The following SLTM variants were observed in gnomAD, a reference collection of about 807,000 sequenced individuals.
The protein encoded by SLTM is SAFB like transcription modulator, also known as SAFB-like transcription modulator.
Under a neutral mutation model 134.6 loss-of-function variants are expected in SLTM, and 43 were observed. The observed-to-expected ratio is 0.32, with a 90% CI of 0.25 to 0.41. The LOEUF is 0.41. Ranked by LOEUF, SLTM falls within the 10% of genes least tolerant of loss-of-function variation. SLTM has a pLI of 1.00. For synonymous variants in SLTM, 424 were observed against 432.3 expected, an observed-to-expected ratio of 0.98 and a Z score of 0.24; for missense variants, 1,055 against 1,288.8, an observed-to-expected ratio of 0.82 and a Z score of 2.78.
At chr15:58,924,131 C>G (rs146931889) in intron 2 of SLTM, among the ~76,000 whole-genome samples, 390 of 152,096 alleles carry the variant, frequency 2.6e-3, no homozygotes, top group African/African-American at 8.9e-3. Context: ...CAAACTTTTA[C>G]GCTTTGAGGA....
At chr15:58,880,225 C>T in intron 20 of SLTM, 118 bp from the exon 21 acceptor site, 1 of 1,359,024 alleles carries the variant, frequency 7.4e-7, no homozygotes, top group Non-Finnish European at 9.7e-7. Context: ...TTTCAACAGT[C>T]CCGTGAGGTC....
intron 3 of SLTM, 139 bp downstream of exon 3, chr15:58,916,796 A>G (rs1342571939): frequency 1.5e-5 from 9 of 598,314 alleles, no homozygotes; most frequent in African/African-American, 7.5e-5. Context: ...TGACAATATT[A>G]AACGTTGTCA....
intron 5 of SLTM, among the ~76,000 whole-genome samples, chr15:58,910,489 A>G (rs939053754): frequency 6.6e-6 from 1 of 152,244 alleles, no homozygotes; most frequent in Non-Finnish European, 1.5e-5. Flanking sequence ...GATAAGAAAT[A>G]CATAACTGTT....
rs1442693278 is a variant in SLTM at position 58,898,653 on chromosome 15, CCA to C, written c.1108+148_1108+149del. Reference sequence around the variant, plus strand: ...TCAGTTTTCTGTAATATATATAATTCCACAGTTTATATAAAGACCATCTCAAG... The same window carrying C: ...TCAGTTTTCTGTAATATATATAATTCCAGTTTATATAAAGACCATCTCAAG... On this transcript the variant is annotated intron_variant, in intron 8 of 20. Transcript: ENST00000380516. 6.6e-6 allele frequency: 4 copies of C among 609,632 alleles called. No individual in the cohort carries two copies. In the Admixed American group the frequency reaches 1.3e-4, roughly 20 times the overall value. 37.8% of individuals were successfully genotyped at this position (609,632 alleles called of 1,614,324 possible).
intron 5 of SLTM, among the ~76,000 whole-genome samples, chr15:58,912,249 G>A (rs1396240448): frequency 1.1e-4 from 16 of 151,936 alleles, no homozygotes; most frequent in African/African-American, 3.1e-4. Context: ...ACAGGTGCCC[G>A]CCACCACGCC....
chr15:58,932,292 C>T, intron 2 of SLTM, 64 bp downstream of exon 2: 1 of 1,200,632 alleles, frequency 8.3e-7, no homozygotes, highest in South Asian at 1.2e-5. Context: ...GCAAGAGGCA[C>T]AAGAGCAGAG....
At chr15:58,900,058 G>GAA (rs35822874) in intron 6 of SLTM, 121 bp from the exon 7 acceptor site, 1,304 of 511,396 alleles carry the variant, frequency 2.5e-3, no homozygotes, top group South Asian at 4.1e-3. Flanking sequence ...GGAAGTTAGG[G>GAA]AAAAAAAAAA....
chr15:58,933,210 C>CCGGGGCG (rs1168615680), intron 1 of SLTM, among the ~76,000 whole-genome samples, 194 bp downstream of exon 1: 1 of 151,628 alleles, frequency 6.6e-6, no homozygotes, highest in Non-Finnish European at 1.5e-5. Context: ...CCGGCCCGGC[C>CCGGGGCG]CGGGGCGCGG....
At chr15:58,923,556 A>G (rs1159083878) in intron 2 of SLTM, among the ~76,000 whole-genome samples, 3 of 152,178 alleles carry the variant, frequency 2.0e-5, no homozygotes, top group African/African-American at 7.2e-5. Context: ...AAAGAATTTT[A>G]AAGACCAAAT....
At position 58,894,647 on chromosome 15, in the gene SLTM, A is replaced by G. The variant is rs952039767; in HGVS notation, c.1228-65T>C. 1.2e-5 allele frequency: 17 copies of G among 1,429,982 alleles called. 1 individual carries two copies. Among genetic ancestry groups the G allele is most frequent in the Middle Eastern group, 1.8e-4 (1 of 5,604 alleles). The allele number at this position is 1,429,982 out of a possible 1,614,324, so 88.6% of individuals were successfully genotyped here. On this transcript the variant is annotated intron_variant, in intron 9 of 20. Transcript: ENST00000380516. ...TCCAAGTACACAGACTTCTAAATAC[A>G]TGAAACTTCACAACTGAAACTATAT...
intron 3 of SLTM, 103 bp downstream of exon 3, chr15:58,916,832 C>A: frequency 1.2e-6 from 1 of 863,344 alleles, no homozygotes; most frequent in Non-Finnish European, 1.9e-6. Context: ...TTATCTTTAA[C>A]CTACATACTT....
intron 2 of SLTM, chr15:58,921,488 G>A: frequency 3.1e-6 from 1 of 326,078 alleles, no homozygotes; most frequent in Non-Finnish European, 6.5e-6. Flanking sequence ...AGGCAGCACT[G>A]GGGTATGTAA....
chr15:58,915,731 G>C (rs1026226639), intron 3 of SLTM, among the ~76,000 whole-genome samples: 3 of 151,980 alleles, frequency 2.0e-5, no homozygotes, highest in South Asian at 2.1e-4. Flanking sequence ...GTGCAGCGTG[G>C]AGAGTGAAGA....
intron 15 of SLTM, chr15:58,889,817 C>T (rs1269967641): frequency 4.8e-6 from 2 of 414,322 alleles, no homozygotes; most frequent in African/African-American, 4.0e-5. Flanking sequence ...TCGACTAAAA[C>T]AAAAGCACCT....
intron 2 of SLTM, among the ~76,000 whole-genome samples, chr15:58,924,063 C>T (rs56067159): frequency 5.3e-4 from 80 of 152,252 alleles, no homozygotes; most frequent in East Asian, 1.7e-3. Context: ...GATCCACCGG[C>T]CTCGGCCTCC....
intron 16 of SLTM, 75 bp from the exon 17 acceptor site, chr15:58,888,630 A>G (rs770871366): frequency 4.2e-6 from 6 of 1,445,176 alleles, no homozygotes; most frequent in South Asian, 1.2e-5. Flanking sequence ...GGAGTCATAC[A>G]TACCACATGT....
chr15:58,930,357 C>A lies in SLTM; in HGVS notation c.250+1999G>T, dbSNP rs868339745. Reference sequence around the variant, plus strand: ...GTTGGCCAGGCTGCTCTCGAATTCCCGACCGCAGGTGATCCACCCGCCTCA... The same window carrying A: ...GTTGGCCAGGCTGCTCTCGAATTCCAGACCGCAGGTGATCCACCCGCCTCA... On this transcript the variant is annotated intron_variant, in intron 2 of 20. Transcript: ENST00000380516. Among the ~76,000 whole-genome samples, 4 of 150,056 alleles carry A rather than the reference C, an allele frequency of 2.7e-5. No individual in the cohort carries two copies. In the South Asian group the frequency reaches 8.4e-4, roughly 32 times the overall value.
At chr15:58,931,202 T>C (rs1287121461) in intron 2 of SLTM, among the ~76,000 whole-genome samples, 3 of 152,206 alleles carry the variant, frequency 2.0e-5, no homozygotes, top group African/African-American at 7.2e-5. Flanking sequence ...GTCAGAGTTA[T>C]CTTAAAAGCT....
At chr15:58,882,970 T>C (rs939821849) in intron 20 of SLTM, among the ~76,000 whole-genome samples, 2 of 152,174 alleles carry the variant, frequency 1.3e-5, no homozygotes, top group Non-Finnish European at 2.9e-5. Flanking sequence ...TCCTAAGAAT[T>C]TGAGGAATGC....
Sources: allele counts gnomAD v4.1 joint callset (sites outside exome capture counted in the v4.1 genomes callset), GRCh38; gene constraint gnomAD v4.1.1; transcripts MANE v1.5; gene names NCBI Gene and HGNC (gene_info 2026-07-23, HGNC 2026-07-21).